Variants in FAM120AOS observed in about 807,000 individuals in gnomAD.
The protein encoded by FAM120AOS is family with sequence similarity 120 member A opposite strand.
FAM120AOS carries 15 observed loss-of-function variants against 20.2 expected under a neutral mutation model. That is an observed-to-expected ratio of 0.74 (90% CI 0.50 to 1.15). The LOEUF (loss-of-function observed/expected upper bound fraction) is 1.15, where lower values mean the gene tolerates loss of function less well. FAM120AOS is among the 50% of genes most tolerant of loss of function. The probability of loss-of-function intolerance (pLI) is 0.00; values close to 1 mark genes in which losing one functional copy is unlikely to be tolerated. For synonymous variants in FAM120AOS, 154 were observed against 154.0 expected (o/e 1.00, Z 0.00); for missense variants, 327 against 351.9 (o/e 0.93, Z 0.57).
intron 1 of FAM120AOS, chr9:93,451,433 G>A (rs1857183189): frequency 6.3e-6 from 8 of 1,264,896 alleles, no homozygotes; most frequent in Non-Finnish European, 8.0e-6. Flanking sequence ...GCGGCCGACC[G>A]GCCTGAGGCG....
chr9:93,450,340 A>G, intron 2 of FAM120AOS, 139 bp downstream of exon 2: 1 of 1,287,530 alleles, frequency 7.8e-7, no homozygotes, highest in South Asian at 1.6e-5. Context: ...AATTTTATGC[A>G]TAGGTGAGTG....
In FAM120AOS at chr9:93,453,201, C is replaced by T. The variant is rs1031976873; in HGVS notation, c.-492G>A. 3.6e-5 allele frequency: 36 copies of T among 1,004,180 alleles called. No homozygotes were observed. The African/African-American group carries it at 5.9e-4, about 17-fold the overall frequency. The allele number at this position is 1,004,180 out of a possible 1,614,324, so 62.2% of individuals were successfully genotyped here. On this transcript the variant is annotated 5_prime_UTR_variant, in exon 1 of 3. Coordinates refer to ENST00000375412, the MANE Select transcript of FAM120AOS (RefSeq NM_198841.4). Reference sequence around the variant, plus strand: ...GCGTGAACTCGCAGGATTTATTTTTCGGGTGCACAGTAAGTATTCAGTGAC... The same window carrying T: ...GCGTGAACTCGCAGGATTTATTTTTTGGGTGCACAGTAAGTATTCAGTGAC...
chr9:93,448,462 C>T (rs1285585503), intron 2 of FAM120AOS: 1 of 222,282 alleles, frequency 4.5e-6, no homozygotes, highest in Non-Finnish European at 9.5e-6. Flanking sequence ...CATTGTACTC[C>T]AGCCTGGGCA....
Position 93,452,272 on chromosome 9 carries a change from A to G in FAM120AOS, c.438T>C (p.Cys146=), listed in dbSNP as rs1312929576. 6.2e-7 allele frequency: 1 copy of G among 1,612,456 alleles called. No individual in the cohort carries two copies. Among genetic ancestry groups the G allele is most frequent in the Non-Finnish European group, 8.5e-7 (1 of 1,179,806 alleles). Residue 146 remains cysteine, a synonymous_variant, in exon 1 of 3, where the codon TGT becomes TGC. Transcript: ENST00000375412. This position sits in a 1 kb window ranked among gnomAD's most constrained non-coding sequence, Gnocchi z 7.0. ...PLFWTWLTIC[C]AVWRSLPCRL... ...GGCAGGGCAACGAGCGCCAGACGGC[A>G]CAGCAGATCGTCAGCCATGTCCAGA... is the stretch of plus-strand genomic sequence containing the variant.
chr9:93,450,988 G>A (rs1857135000), intron 1 of FAM120AOS: 15 of 1,524,698 alleles, frequency 9.8e-6, no homozygotes, highest in East Asian at 4.9e-5. Context: ...CAGGCGCTTA[G>A]GGCTACCTGT....
rs1856894734 is a variant in FAM120AOS, at chr9:93,447,554, G to A, written c.*57C>T. The stretch of plus-strand genomic sequence containing the variant: ...ATAGAGCATTTTCCCTCACACGATG[G>A]GTATCAGGGTGGTTTCTTGTCCTTT... On this transcript the variant is annotated 3_prime_UTR_variant, in exon 3 of 3. Transcript: ENST00000375412. 1 of 1,412,836 alleles carries A rather than the reference G, an allele frequency of 7.1e-7. No individual in the cohort carries two copies. The highest frequency in any genetic ancestry group is 1.8e-5 in the Admixed American group (1 of 55,646). 87.5% of individuals were successfully genotyped at this position (1,412,836 alleles called of 1,614,324 possible). A position where few individuals can be genotyped will look rare whatever the true frequency, so the allele number is the denominator to read the frequency against.
rs947709651 is a variant in FAM120AOS at position 93,445,318 on chromosome 9, T to C, written c.*2293A>G. Among the ~76,000 whole-genome samples the C allele has an allele frequency of 6.6e-6, 1 of 152,186 alleles. No individual in the cohort carries two copies. Among genetic ancestry groups the C allele is most frequent in the Non-Finnish European group, 1.5e-5 (1 of 68,040 alleles). On this transcript the variant is annotated 3_prime_UTR_variant, in exon 3 of 3. Transcript: ENST00000375412. ...AAAAAAAAATTGTGTATAGTTTTGG[T>C]GAGATCGTCAATCCAGGAACCTGTT... is the stretch of plus-strand genomic sequence containing the variant.
intron 1 of FAM120AOS, chr9:93,451,616 G>C: frequency 1.0e-6 from 1 of 981,960 alleles, no homozygotes; most frequent in Middle Eastern, 5.2e-4. Context: ...GGCGGCGTCC[G>C]CGCCGGGCGG....
rs544528355 is a variant in FAM120AOS, at chr9:93,444,553, T to C, written c.*3058A>G. ...CAAGTTAACCATATTTGGCACAGGA[T>C]TTCTAGACCTGTAGGTTACGGAAAT... On this transcript the variant is annotated 3_prime_UTR_variant, in exon 3 of 3. Transcript: ENST00000375412. 6.6e-6 allele frequency among the ~76,000 whole-genome samples: 1 copy of C among 152,300 alleles called. No individual in the cohort carries two copies. The highest frequency in any genetic ancestry group is 1.9e-4 in the East Asian group (1 of 5,192).
intron 1 of FAM120AOS, 181 bp downstream of exon 1, chr9:93,451,966 C>T (rs1045842731): frequency 1.3e-6 from 2 of 1,539,666 alleles, no homozygotes; most frequent in Middle Eastern, 2.0e-4. Flanking sequence ...GCCCGAGCGC[C>T]GTGGTGCCGG....
In FAM120AOS at chr9:93,453,372, A is replaced by G. The variant is rs1415091850; in HGVS notation, c.-663T>C. ...GACTGTGAAGATAAGCACATCCATG[A>G]TCCTGGACTTCACGTTCTGATTGCT... On this transcript the variant is annotated 5_prime_UTR_variant, in exon 1 of 3. Transcript: ENST00000375412. The G allele has an allele frequency of 5.1e-6, 5 of 985,428 alleles. No homozygotes were observed. Among genetic ancestry groups the G allele is most frequent in the Non-Finnish European group, 4.8e-6 (4 of 829,962 alleles). The allele number at this position is 985,428 out of a possible 1,614,324, so 61.0% of individuals were successfully genotyped here.
Position 93,447,509 on chromosome 9 carries a change from C to G in FAM120AOS, c.*102G>C. ...ATAGAGAGAACTCTGAAACCAGAAG[C>G]AGAAGCTGAGGAATGGTGAATAGAG... On this transcript the variant is annotated 3_prime_UTR_variant, in exon 3 of 3. Transcript: ENST00000375412. 9.3e-7 allele frequency: 1 copy of G among 1,072,966 alleles called. No homozygotes were observed. The highest frequency in any genetic ancestry group is 2.1e-5 in the Admixed American group (1 of 47,276). 66.5% of individuals were successfully genotyped at this position (1,072,966 alleles called of 1,614,324 possible).
Position 93,447,658 on chromosome 9 carries a change from TC to T in FAM120AOS, c.723del (p.Thr243ProfsTer7). The T allele has an allele frequency of 1.2e-6, 2 of 1,614,034 alleles. No individual in the cohort carries two copies. Among genetic ancestry groups the T allele is most frequent in the African/African-American group, 1.3e-5 (1 of 75,034 alleles). ...CTTAGTGTTGGTGGTTTTGTGGTTT[TC>T]TTTGAGACTTTGTTATTGACAGAAC... is the stretch of plus-strand genomic sequence containing the variant. Reference protein sequence around the residue: ...RSCSVNNKVSKKTTKPPTLRS... With the variant: ...RSCSVNNKVSXKTTKPPTLRS... On this transcript the variant is annotated frameshift_variant, in exon 3 of 3. Transcript: ENST00000375412. LOFTEE classifies it low-confidence loss of function (END_TRUNC).
At chr9:93,451,904 C>G in intron 1 of FAM120AOS, 2 of 1,273,586 alleles carry the variant, frequency 1.6e-6, no homozygotes, top group Non-Finnish European at 2.0e-6. Flanking sequence ...CGCCCGCGCC[C>G]CCGCCGCCGC....
At position 93,452,281 on chromosome 9, in the gene FAM120AOS, C is replaced by A. The variant is rs767874895; in HGVS notation, c.429G>T (p.Thr143=). 6.2e-7 allele frequency: 1 copy of A among 1,612,668 alleles called. No homozygotes were observed. The highest frequency in any genetic ancestry group is 1.7e-5 in the Admixed American group (1 of 60,008). Reference sequence around the variant, plus strand: ...ACGAGCGCCAGACGGCACAGCAGATCGTCAGCCATGTCCAGAACAAGGGCA... The same window carrying A: ...ACGAGCGCCAGACGGCACAGCAGATAGTCAGCCATGTCCAGAACAAGGGCA... ...GGVPLFWTWL[T]ICCAVWRSLP... Residue 143 remains threonine, a synonymous_variant, in exon 1 of 3, where the codon ACG becomes ACT. Transcript: ENST00000375412. This position sits in a 1 kb window ranked among gnomAD's most constrained non-coding sequence, Gnocchi z 7.0.
chr9:93,452,513 GC>G lies in FAM120AOS; in HGVS notation c.196del (p.Ala66GlnfsTer25). 1 of 1,550,740 alleles carries G rather than the reference GC, an allele frequency of 6.4e-7. No individual in the cohort carries two copies. On this transcript the variant is annotated frameshift_variant, in exon 1 of 3. Transcript: ENST00000375412. LOFTEE classifies it high-confidence loss of function. This position sits in a 1 kb window ranked among gnomAD's most constrained non-coding sequence, Gnocchi z 7.0. ...GGGGCAGCGAGTTCCCCCAGCCCTT[GC>G]CCGGGATAGCCTGGCCGGGCCGGGC... ...LQPGPARLSRARAGGTRCPQR... is the reference protein window; with the variant it reads ...LQPGPARLSRXRAGGTRCPQR...
At position 93,444,696 on chromosome 9, in the gene FAM120AOS, C is replaced by T. The variant is rs1405723579; in HGVS notation, c.*2915G>A. On this transcript the variant is annotated 3_prime_UTR_variant, in exon 3 of 3. Transcript: ENST00000375412. The stretch of plus-strand genomic sequence containing the variant: ...ATGGTGCGATCTCGGCTCACCGCAA[C>T]CTCCGCCTCCCAGGTTCAAGGGATT... Among the ~76,000 whole-genome samples the T allele has an allele frequency of 6.6e-6, 1 of 151,746 alleles. No homozygotes were observed. The highest frequency in any genetic ancestry group is 1.9e-4 in the East Asian group (1 of 5,156).
At position 93,444,521 on chromosome 9, in the gene FAM120AOS, C is replaced by T. The variant is rs1856786296; in HGVS notation, c.*3090G>A. Among the ~76,000 whole-genome samples, 1 of 152,204 alleles carries T rather than the reference C, an allele frequency of 6.6e-6. No homozygotes were observed. Among genetic ancestry groups the T allele is most frequent in the Admixed American group, 6.5e-5 (1 of 15,284 alleles). ...GGTTCCAGTTCTTCCACATCCTTCT[C>T]AGCAAACAAGTTAACCATATTTGGC... On this transcript the variant is annotated 3_prime_UTR_variant, in exon 3 of 3. Coordinates refer to ENST00000375412, the MANE Select transcript of FAM120AOS (RefSeq NM_198841.4).
chr9:93,450,567 T>A lies in FAM120AOS; in HGVS notation c.596A>T (p.Gln199Leu). 1 of 1,607,374 alleles carries A rather than the reference T, an allele frequency of 6.2e-7. No individual in the cohort carries two copies. The highest frequency in any genetic ancestry group is 1.3e-5 in the African/African-American group (1 of 74,614). The change falls in exon 2 of 3, where the codon CAG becomes CTG. Residue 199 changes from glutamine to leucine, a missense_variant. Transcript: ENST00000375412. ...NLCRGAGCNRQAVAGQLLPST... is the reference protein window; with the variant it reads ...NLCRGAGCNRLAVAGQLLPST... The stretch of plus-strand genomic sequence containing the variant: ...GGGCAGCAGCTGTCCGGCCACAGCC[T>A]GTCGGTTGCATCCTGCTCCTCTACA...
Sources: allele counts gnomAD v4.1 joint callset (sites outside exome capture counted in the v4.1 genomes callset), GRCh38; gene constraint gnomAD v4.1.1; non-coding constraint Gnocchi (gnomAD v3.1); transcripts MANE v1.5; gene names NCBI Gene and HGNC (gene_info 2026-07-23, HGNC 2026-07-21).